The following FAT1 variants were observed in gnomAD, a reference collection of about 807,000 sequenced individuals.
FAT1 encodes the protein protocadherin Fat 1.
In FAT1, 171 loss-of-function variants were observed where a neutral mutation model predicts 329.8. That is an observed-to-expected ratio of 0.52 (90% CI 0.46 to 0.59). The LOEUF is 0.59. Ranked by LOEUF, FAT1 falls within the 20% of genes least tolerant of loss-of-function variation. The probability of loss-of-function intolerance (pLI) is 0.00; values close to 1 mark genes in which losing one functional copy is unlikely to be tolerated. For missense variants in FAT1, 5,672 were observed against 5,774.4 expected, an observed-to-expected ratio of 0.98 and a Z score of 0.57; for synonymous variants, 2,233 against 2,228.6, an observed-to-expected ratio of 1.00 and a Z score of -0.06.
At chr4:186,650,267 A>G (rs896838001) in intron 3 of FAT1, among the ~76,000 whole-genome samples, 6 of 144,826 alleles carry the variant, frequency 4.1e-5, no homozygotes, top group Non-Finnish European at 7.9e-5. Context: ...ATGAATATAC[A>G]AAATATGACA....
chr4:186,663,089 G>A (rs1403926611), intron 3 of FAT1, among the ~76,000 whole-genome samples: 1 of 152,148 alleles, frequency 6.6e-6, no homozygotes, highest in East Asian at 1.9e-4. Flanking sequence ...GCCTGCCTCG[G>A]CCTCCCAAAG....
At chr4:186,614,076 AAT>A (rs1739589189) in intron 12 of FAT1, 113 bp downstream of exon 12, 3 of 838,262 alleles carry the variant, frequency 3.6e-6, no homozygotes, top group Non-Finnish European at 5.5e-6. Context: ...GGAGCATCAG[AAT>A]ACATTTGAAA....
intron 7 of FAT1, among the ~76,000 whole-genome samples, chr4:186,630,072 C>T (rs1444019185): frequency 6.6e-6 from 1 of 152,212 alleles, no homozygotes; most frequent in Admixed American, 6.5e-5. Flanking sequence ...TTGAAACACA[C>T]GGATTGTGCG....
Position 186,633,758 on chromosome 4 carries a change from G to C in FAT1, c.4249C>G (p.Leu1417Val). The C allele has an allele frequency of 6.2e-7, 1 of 1,613,976 alleles. No homozygotes were observed. The change falls in exon 7 of 27, where the codon CTT becomes GTT. Residue 1417 changes from leucine (L) to valine (V), a missense_variant. This residue lies in a region of FAT1 where 3,966 missense variants were observed against 3,915.2 expected (regional missense o/e 1.01). Transcript: ENST00000441802. ...TAGTTTGACTTCTGTTCTGCATCAA[G>C]AGGTTTGGCAACAATGATGGTTCCA... is the stretch of plus-strand genomic sequence containing the variant. ...GTGTIIVAKPLDAEQKSNYNL... is the reference protein window; with the variant it reads ...GTGTIIVAKPVDAEQKSNYNL...
intron 2 of FAT1, 58 bp downstream of exon 2, chr4:186,706,505 T>TAAA: frequency 1.7e-5 from 24 of 1,404,314 alleles, no homozygotes; most frequent in East Asian, 4.7e-5. Context: ...GGCAGATGGT[T>TAAA]AAAAAAAAAA....
intron 3 of FAT1, among the ~76,000 whole-genome samples, chr4:186,660,267 A>C (rs1742107862): frequency 6.6e-6 from 1 of 152,170 alleles, no homozygotes; most frequent in Non-Finnish European, 1.5e-5. Flanking sequence ...GGTTGTAAGA[A>C]GACGAGGCAT....
In FAT1 at chr4:186,621,336, C is replaced by T. The variant is rs1740037484; in HGVS notation, c.5250G>A (p.Thr1750=). 3.1e-6 allele frequency: 5 copies of T among 1,613,974 alleles called. No individual in the cohort carries two copies. Among genetic ancestry groups the T allele is most frequent in the South Asian group, 1.1e-5 (1 of 91,082 alleles). The stretch of plus-strand genomic sequence containing the variant: ...TCTCATCCTGCAAGTGAACTAGAAC[C>T]GTTGTATTAGTGGACAAACCAGCCA... The part of the protein sequence containing the change: ...TNMAGLSTNT[T]VLVHLQDEND... The change falls in exon 10 of 27, where the codon ACG becomes ACA. Residue 1750 remains threonine (T), a synonymous_variant. Coordinates refer to ENST00000441802, the MANE Select transcript of FAT1 (RefSeq NM_005245.4).
rs570583897 is a variant in FAT1 at position 186,628,570 on chromosome 4, C to A, written c.4517G>T (p.Arg1506Leu). 2 of 1,613,950 alleles carry A rather than the reference C, an allele frequency of 1.2e-6. No individual in the cohort carries two copies. Among genetic ancestry groups the A allele is most frequent in the South Asian group, 2.2e-5 (2 of 91,078 alleles). ...GAGAGAGCCGGTTGCAGGATCAAGACGAAATTTCTTGAGACTCAGTGGATC... is the reference window on the plus strand; with the variant it reads ...GAGAGAGCCGGTTGCAGGATCAAGAAGAAATTTCTTGAGACTCAGTGGATC... ...SRDPLSLKKF[R>L]LDPATGSLYT... The change falls in exon 8 of 27, where the codon CGT becomes CTT. Residue 1506 changes from arginine (R) to leucine (L), a missense_variant. Transcript: ENST00000441802.
chr4:186,676,289 A>C (rs201481050), intron 2 of FAT1, among the ~76,000 whole-genome samples: 22,857 of 148,584 alleles, frequency 0.15, 2,027 homozygotes, highest in East Asian at 0.46. Context: ...AAAAAAAAAA[A>C]CAAAAAAAAA....
chr4:186,646,620 C>A (rs1425587478), intron 3 of FAT1, among the ~76,000 whole-genome samples: 3 of 151,912 alleles, frequency 2.0e-5, no homozygotes, highest in African/African-American at 7.3e-5. Context: ...AAACTAAAAA[C>A]TTTAACATCT....
At position 186,708,863 on chromosome 4, in the gene FAT1, C is replaced by T. The variant is rs1350772893; in HGVS notation, c.965G>A (p.Gly322Asp). 2 of 1,613,944 alleles carry T rather than the reference C, an allele frequency of 1.2e-6. No homozygotes were observed. The highest frequency in any genetic ancestry group is 1.7e-5 in the Admixed American group (1 of 60,004). Residue 322 changes from glycine (G) to aspartate (D), a missense_variant, in exon 2 of 27, where the codon GGC becomes GAC. Coordinates refer to ENST00000441802, the MANE Select transcript of FAT1 (RefSeq NM_005245.4). ...SKEYKVKAIG[G>D]IDWDSHPFGY... ...GAAAGGATGACTGTCCCAATCAATG[C>T]CACCGATGGCTTTGACTTTATACTC...
In FAT1 at chr4:186,706,657, C is replaced by G. The variant is rs778456045; in HGVS notation, c.3171G>C (p.Ser1057=). The G allele has an allele frequency of 6.2e-7, 1 of 1,613,948 alleles. No homozygotes were observed. Among genetic ancestry groups the G allele is most frequent in the Non-Finnish European group, 8.5e-7 (1 of 1,179,880 alleles). Residue 1057 remains serine, a synonymous_variant, in exon 2 of 27, where the codon TCG becomes TCC. Transcript: ENST00000441802. ...CTCTTCTGGCGTCCTCATCATGAGC[C>G]GACACCGTCATTACCAATGAACCAA... ...APVGSLVMTV[S]AHDEDARRDG...
intron 2 of FAT1, among the ~76,000 whole-genome samples, chr4:186,679,876 C>T (rs1743133870): frequency 6.6e-6 from 1 of 152,162 alleles, no homozygotes; most frequent in Non-Finnish European, 1.5e-5. Flanking sequence ...CTGTAGCAGG[C>T]TATTTGTTAA....
intron 2 of FAT1, among the ~76,000 whole-genome samples, chr4:186,669,065 T>C (rs1742605990): frequency 6.6e-6 from 1 of 152,166 alleles, no homozygotes; most frequent in African/African-American, 2.4e-5. Flanking sequence ...GACCTCACCT[T>C]TTTGGGCACC....
At chr4:186,696,566 G>A (rs921862829) in intron 2 of FAT1, among the ~76,000 whole-genome samples, 1 of 152,180 alleles carries the variant, frequency 6.6e-6, no homozygotes, top group African/African-American at 2.4e-5. Flanking sequence ...CTGAGACAGA[G>A]TAATGTCAAG....
chr4:186,691,744 G>C (rs939219029), intron 2 of FAT1, among the ~76,000 whole-genome samples: 6 of 152,054 alleles, frequency 3.9e-5, no homozygotes, highest in African/African-American at 1.4e-4. Flanking sequence ...GGAGTTCAAG[G>C]CTGCAGTAAG....
chr4:186,620,773 A>T lies in FAT1; in HGVS notation c.5813T>A (p.Val1938Asp), dbSNP rs2126518937. The part of the protein sequence containing the change: ...SMDYKTGALT[V>D]QNTTQLRSRY... Reference sequence around the variant, plus strand: ...GCTTCTTAACTGAGTTGTGTTTTGGACAGTGAGAGCACCAGTCTTGTAGTC... The same window carrying T: ...GCTTCTTAACTGAGTTGTGTTTTGGTCAGTGAGAGCACCAGTCTTGTAGTC... Residue 1938 changes from valine (V) to aspartate (D), a missense_variant, in exon 10 of 27, where the codon GTC becomes GAC. Coordinates refer to ENST00000441802, the MANE Select transcript of FAT1 (RefSeq NM_005245.4). 1.2e-6 allele frequency: 2 copies of T among 1,613,994 alleles called. No homozygotes were observed. The highest frequency in any genetic ancestry group is 1.7e-6 in the Non-Finnish European group (2 of 1,179,896).
chr4:186,619,173 A>T lies in FAT1; in HGVS notation c.7413T>A (p.Val2471=), dbSNP rs2126502924. The part of the protein sequence containing the change: ...YSLNLSVSDG[V]FRSSTQVHVT... ...CATGAACCTGGGTGGAACTTCTAAA[A>T]ACTCCATCAGACACTGACAGGTTAA... Residue 2471 remains valine (V), a synonymous_variant, in exon 10 of 27, where the codon GTT becomes GTA. Coordinates refer to ENST00000441802, the MANE Select transcript of FAT1 (RefSeq NM_005245.4). 2 of 1,613,952 alleles carry T rather than the reference A, an allele frequency of 1.2e-6. No individual in the cohort carries two copies. The highest frequency in any genetic ancestry group is 1.7e-6 in the Non-Finnish European group (2 of 1,179,890).
chr4:186,715,700 T>C (rs1488375212), intron 1 of FAT1, among the ~76,000 whole-genome samples: 1 of 152,180 alleles, frequency 6.6e-6, no homozygotes, highest in Non-Finnish European at 1.5e-5. Flanking sequence ...GGGCTATACT[T>C]TGATATTTAG....
Sources: gnomAD v4.1 joint callset for allele counts (sites outside exome capture counted in the v4.1 genomes callset) on GRCh38, gnomAD v4.1.1 for gene constraint, gnomAD v4.1.1 regional missense constraint, MANE v1.5 for transcripts, NCBI Gene and HGNC (gene_info 2026-07-23, HGNC 2026-07-21) for gene names.